The following ARHGAP5 variants were observed in gnomAD, a reference collection of about 807,000 sequenced individuals.
ARHGAP5 encodes the protein rho GTPase-activating protein 5.
A neutral mutation model predicts 116.6 loss-of-function variants in ARHGAP5; 23 were observed. The observed-to-expected ratio is 0.20, with a 90% confidence interval of 0.14 to 0.28. ARHGAP5 has a LOEUF of 0.28. ARHGAP5 is among the 10% of genes least tolerant of loss of function. ARHGAP5 has a pLI of 1.00. For missense variants in ARHGAP5, 1,405 were observed against 1,774.8 expected, an observed-to-expected ratio of 0.79 and a Z score of 3.74; for synonymous variants, 574 against 602.0, an observed-to-expected ratio of 0.95 and a Z score of 0.68.
At chr14:32,115,872 G>A (rs535130608) in intron 2 of ARHGAP5, among the ~76,000 whole-genome samples, 1 of 151,444 alleles carries the variant, frequency 6.6e-6, no homozygotes, top group Non-Finnish European at 1.5e-5. Flanking sequence ...GCAGGCGCCT[G>A]TAGTCCCAGC....
At chr14:32,146,670 T>C (rs1881393741) in intron 4 of ARHGAP5, among the ~76,000 whole-genome samples, 1 of 152,130 alleles carries the variant, frequency 6.6e-6, no homozygotes, top group East Asian at 1.9e-4. Flanking sequence ...GAAGAAAAGA[T>C]TGAAAACGAG....
chr14:32,106,410 C>T (rs111394239), intron 2 of ARHGAP5, among the ~76,000 whole-genome samples: 2,104 of 152,336 alleles, frequency 0.014, 52 homozygotes, highest in African/African-American at 0.047. Context: ...TGAGCCGCTG[C>T]ACTCGGCCTG....
intron 3 of ARHGAP5, among the ~76,000 whole-genome samples, chr14:32,127,478 C>A (rs1381743815): frequency 6.6e-6 from 1 of 152,110 alleles, no homozygotes; most frequent in African/African-American, 2.4e-5. Flanking sequence ...TTTCAGAGAG[C>A]ACGGGGTTGG....
intron 2 of ARHGAP5, among the ~76,000 whole-genome samples, chr14:32,107,311 G>T (rs962541142): frequency 6.6e-6 from 1 of 152,150 alleles, no homozygotes; most frequent in Non-Finnish European, 1.5e-5. Context: ...TCCTGATTAG[G>T]TTAGGATGCT....
chr14:32,126,032 C>T (rs921017874), intron 3 of ARHGAP5, among the ~76,000 whole-genome samples: 2 of 152,038 alleles, frequency 1.3e-5, no homozygotes, highest in Non-Finnish European at 2.9e-5. Context: ...ATATGTTTGT[C>T]TTCTGTGAAT....
intron 6 of ARHGAP5, among the ~76,000 whole-genome samples, chr14:32,153,663 G>A (rs1039990275): frequency 1.3e-5 from 2 of 151,490 alleles, no homozygotes; most frequent in African/African-American, 2.4e-5. Flanking sequence ...AGTAGAGACA[G>A]GGTTTCATCA....
intron 1 of ARHGAP5, among the ~76,000 whole-genome samples, chr14:32,084,412 C>T (rs1050401887): frequency 7.2e-5 from 11 of 152,032 alleles, no homozygotes; most frequent in Non-Finnish European, 1.6e-4. Context: ...GTATATTTTG[C>T]TGTACTAGAT....
chr14:32,077,444 T>A lies in ARHGAP5; in HGVS notation c.-169+9T>A, dbSNP rs1479015749. The stretch of plus-strand genomic sequence containing the variant: ...GAGACCGACGTTGTTAGGTAGGACC[T>A]TGCGGACCCCGCTCCTCCAAGCCTG... On this transcript the variant is annotated intron_variant, in intron 1 of 6. Transcript: ENST00000345122. The A allele has an allele frequency of 2.9e-6, 2 of 701,072 alleles. No homozygotes were observed. Among genetic ancestry groups the A allele is most frequent in the African/African-American group, 3.5e-5 (2 of 56,712 alleles). 43.4% of individuals were successfully genotyped at this position (701,072 alleles called of 1,614,324 possible).
chr14:32,119,391 T>C (rs1879768728), intron 3 of ARHGAP5, among the ~76,000 whole-genome samples: 1 of 152,128 alleles, frequency 6.6e-6, no homozygotes, highest in Admixed American at 6.5e-5. Flanking sequence ...GTTGTTATAA[T>C]CAGTCCTCTT....
chr14:32,092,605 A>T lies in ARHGAP5; in HGVS notation c.1936A>T (p.Ser646Cys). Reference protein sequence around the residue: ...PVDAKSPYFLSQLWTAAFKPH... With the variant: ...PVDAKSPYFLCQLWTAAFKPH... The stretch of plus-strand genomic sequence containing the variant: ...TGATGCCAAATCGCCTTACTTTTTG[A>T]GTCAGTTATGGACTGCCGCCTTTAA... Residue 646 changes from serine to cysteine, a missense_variant, in exon 2 of 7, where the codon AGT becomes TGT. Ser to Cys is a moderately radical substitution (Grantham distance 112). Coordinates refer to ENST00000345122, the MANE Select transcript of ARHGAP5 (RefSeq NM_001030055.2). This position sits in a 1 kb window ranked among gnomAD's most constrained non-coding sequence, Gnocchi z 4.1. 1.2e-6 allele frequency: 2 copies of T among 1,613,570 alleles called. No homozygotes were observed. The highest frequency in any genetic ancestry group is 1.7e-6 in the Non-Finnish European group (2 of 1,179,790).
intron 3 of ARHGAP5, among the ~76,000 whole-genome samples, chr14:32,130,305 A>G (rs1287051836): frequency 7.1e-6 from 1 of 140,122 alleles, no homozygotes; most frequent in African/African-American, 2.7e-5. Flanking sequence ...TCTACCGCCC[A>G]GGTTCAAGTG....
intron 3 of ARHGAP5, among the ~76,000 whole-genome samples, chr14:32,129,789 C>G (rs893090308): frequency 6.6e-6 from 1 of 152,020 alleles, no homozygotes; most frequent in African/African-American, 2.4e-5. Flanking sequence ...AAATTTCCAC[C>G]ATTTTATTCA....
chr14:32,147,701 T>A (rs1881443768), intron 4 of ARHGAP5, among the ~76,000 whole-genome samples: 1 of 152,196 alleles, frequency 6.6e-6, no homozygotes, highest in East Asian at 1.9e-4. Flanking sequence ...TCAGGTCTAA[T>A]AAGTAGAATG....
At chr14:32,090,032 A>G (rs1044202231) in intron 1 of ARHGAP5, among the ~76,000 whole-genome samples, 2 of 151,956 alleles carry the variant, frequency 1.3e-5, no homozygotes, top group African/African-American at 4.8e-5. Flanking sequence ...AATTCTTATG[A>G]AATTCTGTTT....
chr14:32,098,029 G>A (rs752636278), intron 2 of ARHGAP5, among the ~76,000 whole-genome samples: 3 of 152,186 alleles, frequency 2.0e-5, no homozygotes, highest in South Asian at 2.1e-4. Flanking sequence ...AGAAGTCACT[G>A]TTCTTCATAC....
chr14:32,090,657 TGAGAA>T lies in ARHGAP5; in HGVS notation c.-8_-4del. On this transcript the variant is annotated 5_prime_UTR_variant, in exon 2 of 7. Transcript: ENST00000345122. ...GGTTACCTTTATGAATGTAGAGACA[TGAGAA>T]GAGAGTTATGATGGCAAAAAACAAA... The T allele has an allele frequency of 1.3e-6, 2 of 1,572,476 alleles. No homozygotes were observed. The highest frequency in any genetic ancestry group is 1.7e-6 in the Non-Finnish European group (2 of 1,161,844).
At chr14:32,142,039 T>C (rs1881150286) in intron 3 of ARHGAP5, among the ~76,000 whole-genome samples, 1 of 152,132 alleles carries the variant, frequency 6.6e-6, no homozygotes, top group African/African-American at 2.4e-5. Context: ...TCAACCTCTC[T>C]GGTGAAGTTT....
At chr14:32,114,600 T>G (rs540723167) in intron 2 of ARHGAP5, among the ~76,000 whole-genome samples, 1 of 152,352 alleles carries the variant, frequency 6.6e-6, no homozygotes, top group South Asian at 2.1e-4. Flanking sequence ...AGACACCTAG[T>G]TGTGTTTGGT....
At chr14:32,153,052 T>G (rs1191663761) in intron 6 of ARHGAP5, among the ~76,000 whole-genome samples, 2 of 128,916 alleles carry the variant, frequency 1.6e-5, no homozygotes, top group African/African-American at 3.1e-5. Flanking sequence ...GTTTTTTTTG[T>G]TTTTTTTTTT....
Sources: gnomAD v4.1 joint callset for allele counts (sites outside exome capture counted in the v4.1 genomes callset) on GRCh38, gnomAD v4.1.1 for gene constraint, Gnocchi (gnomAD v3.1) non-coding constraint, MANE v1.5 for transcripts, NCBI Gene and HGNC (gene_info 2026-07-23, HGNC 2026-07-21) for gene names.